HSF2BP: variants seen among roughly 807,000 people sequenced by gnomAD.
The protein encoded by HSF2BP is heat shock factor 2-binding protein.
HSF2BP carries 35 observed loss-of-function variants against 35.0 expected under a neutral mutation model. The ratio of observed to expected loss-of-function variants is 1.00; its 90% CI spans 0.76 to 1.32. The LOEUF is 1.32. HSF2BP is among the 40% of genes most tolerant of loss of function. The pLI, the probability that HSF2BP is intolerant of heterozygous loss-of-function variation, is 0.00. For missense variants in HSF2BP, 326 were observed against 321.7 expected (o/e 1.01, Z -0.10); for synonymous variants, 114 against 117.4 (o/e 0.97, Z 0.18).
At chr21:43,605,121 C>G (rs993823812) in intron 7 of HSF2BP, among the ~76,000 whole-genome samples, 6 of 150,860 alleles carry the variant, frequency 4.0e-5, no homozygotes, top group Non-Finnish European at 8.9e-5. Context: ...CACACACACA[C>G]CACACAGATA....
Position 43,644,339 on chromosome 21 carries a change from A to G in HSF2BP, c.241T>C (p.Phe81Leu). 1.2e-6 allele frequency: 2 copies of G among 1,614,190 alleles called. No individual in the cohort carries two copies. The highest frequency in any genetic ancestry group is 1.7e-6 in the Non-Finnish European group (2 of 1,180,024). ...LEQLKMDCEH[F>L]KARLETVQAD... Reference sequence around the variant, plus strand: ...TGCACGGTTTCCAGGCGGGCTTTAAAGTGCTCACAATCCATTTTCAGCTGC... The same window carrying G: ...TGCACGGTTTCCAGGCGGGCTTTAAGGTGCTCACAATCCATTTTCAGCTGC... The change falls in exon 4 of 9, where the codon TTT (phenylalanine) becomes CTT (leucine). Residue 81 changes from phenylalanine to leucine, a missense_variant. Coordinates refer to ENST00000291560, the MANE Select transcript of HSF2BP (RefSeq NM_007031.2).
intron 3 of HSF2BP, among the ~76,000 whole-genome samples, chr21:43,650,025 G>A (rs1199681317): frequency 6.6e-6 from 1 of 152,092 alleles, no homozygotes; most frequent in Admixed American, 6.5e-5. Flanking sequence ...AAACAAACTG[G>A]ATGCTGAAAG....
intron 5 of HSF2BP, among the ~76,000 whole-genome samples, chr21:43,631,744 C>G (rs2082459181): frequency 6.6e-6 from 1 of 152,144 alleles, no homozygotes; most frequent in Non-Finnish European, 1.5e-5. Context: ...GTCAACTGAC[C>G]TACTCACTGT....
chr21:43,590,002 T>C (rs2081906277), intron 8 of HSF2BP, among the ~76,000 whole-genome samples: 1 of 152,172 alleles, frequency 6.6e-6, no homozygotes, highest in Non-Finnish European at 1.5e-5. Flanking sequence ...AAAAGCATGC[T>C]TCTTCGAAGA....
intron 4 of HSF2BP, among the ~76,000 whole-genome samples, chr21:43,636,139 T>C (rs1232271433): frequency 7.3e-6 from 1 of 137,582 alleles, no homozygotes; most frequent in Non-Finnish European, 1.6e-5. Flanking sequence ...AAGTGAGCCA[T>C]GATCACACCA....
At chr21:43,647,129 T>C (rs543006369) in intron 3 of HSF2BP, among the ~76,000 whole-genome samples, 1 of 152,388 alleles carries the variant, frequency 6.6e-6, no homozygotes, top group African/African-American at 2.4e-5. Context: ...ACAATAAGAA[T>C]ATATTACTTT....
At chr21:43,604,078 T>C (rs1295785359) in intron 7 of HSF2BP, among the ~76,000 whole-genome samples, 1 of 151,986 alleles carries the variant, frequency 6.6e-6, no homozygotes, top group East Asian at 1.9e-4. Context: ...AGCCGTGGCC[T>C]GGGAAGACAA....
intron 6 of HSF2BP, among the ~76,000 whole-genome samples, chr21:43,629,181 C>G (rs2082424740): frequency 6.6e-6 from 1 of 152,192 alleles, no homozygotes; most frequent in Non-Finnish European, 1.5e-5. Flanking sequence ...AACGCTACAG[C>G]TGCCATAGAC....
Position 43,633,348 on chromosome 21 carries a change from TCTGTACAATACTCTGC to T in HSF2BP, c.349_364del (p.Ala117LysfsTer30), listed in dbSNP as rs1238603582. The T allele has an allele frequency of 6.2e-7, 1 of 1,614,008 alleles. No individual in the cohort carries two copies. The highest frequency in any genetic ancestry group is 1.3e-5 in the African/African-American group (1 of 74,922). On this transcript the variant is annotated frameshift_variant, in exon 5 of 9. Transcript: ENST00000291560. LOFTEE classifies it high-confidence loss of function. ...GAGGGTACACGCTGCTGCTCCCATT[TCTGTACAATACTCTGC>T]CTGCTGCAGGAGTTGCTGCTTCGCT...
chr21:43,624,846 CT>C (rs2082370836), intron 6 of HSF2BP, among the ~76,000 whole-genome samples: 2 of 140,560 alleles, frequency 1.4e-5, no homozygotes, highest in African/African-American at 6.5e-5. Context: ...CTTTCACACT[CT>C]TCATTTGCCC....
intron 7 of HSF2BP, among the ~76,000 whole-genome samples, chr21:43,603,274 C>CT (rs1180069761): frequency 6.6e-6 from 1 of 152,196 alleles, no homozygotes; most frequent in Non-Finnish European, 1.5e-5. Flanking sequence ...CAGGGCCCCC[C>CT]GCAATCCCAA....
At chr21:43,583,532 C>T (rs1175673215) in intron 8 of HSF2BP, among the ~76,000 whole-genome samples, 15 of 109,156 alleles carry the variant, frequency 1.4e-4, no homozygotes, top group Non-Finnish European at 1.8e-4. Flanking sequence ...AGATGAAGGG[C>T]CTGCTGAGGG....
At chr21:43,580,946 G>A (rs1195086270) in intron 8 of HSF2BP, among the ~76,000 whole-genome samples, 3 of 152,116 alleles carry the variant, frequency 2.0e-5, no homozygotes, top group African/African-American at 4.8e-5. Context: ...TCTGTGTTAC[G>A]TGATATAGCC....
At chr21:43,621,754 A>C (rs1354462398) in intron 6 of HSF2BP, among the ~76,000 whole-genome samples, 1 of 152,176 alleles carries the variant, frequency 6.6e-6, no homozygotes, top group Non-Finnish European at 1.5e-5. Context: ...TCAAACTGAA[A>C]GAAAAACACA....
intron 7 of HSF2BP, 61 bp downstream of exon 7, chr21:43,613,769 C>G: frequency 9.2e-7 from 1 of 1,089,464 alleles, no homozygotes; most frequent in South Asian, 1.3e-5. Context: ...AAGAGAGGCC[C>G]AATCAGCACA....
intron 8 of HSF2BP, among the ~76,000 whole-genome samples, chr21:43,589,434 C>A (rs756318430): frequency 1.3e-5 from 2 of 152,112 alleles, no homozygotes; most frequent in Non-Finnish European, 1.5e-5. Context: ...AATTATCCCC[C>A]AAAATGAACT....
chr21:43,601,285 G>A (rs570973116), intron 7 of HSF2BP, among the ~76,000 whole-genome samples: 3 of 152,234 alleles, frequency 2.0e-5, no homozygotes, highest in Admixed American at 6.5e-5. Context: ...ACGTCCAATC[G>A]GAAGCTTGTA....
At chr21:43,601,575 TAAAACCCA>T (rs1408936808) in intron 7 of HSF2BP, among the ~76,000 whole-genome samples, 3 of 152,274 alleles carry the variant, frequency 2.0e-5, no homozygotes, top group Admixed American at 6.5e-5. Flanking sequence ...CTAGACAGGG[TAAAACCCA>T]AAAATGCCTT....
At chr21:43,599,281 G>A (rs8132361) in intron 7 of HSF2BP, among the ~76,000 whole-genome samples, 1,957 of 152,220 alleles carry the variant, frequency 0.013, 43 homozygotes, top group African/African-American at 0.043. Context: ...GAGACCTCAC[G>A]TCACTGCCAA....
Sources: gnomAD v4.1 joint callset for allele counts (sites outside exome capture counted in the v4.1 genomes callset) on GRCh38, gnomAD v4.1.1 for gene constraint, MANE v1.5 for transcripts, NCBI Gene and HGNC (gene_info 2026-07-23, HGNC 2026-07-21) for gene names.